Variants in REDIC1 observed in about 807,000 individuals in gnomAD.
REDIC1 encodes HEI10 Interacting Protein 1.
chr12:39,887,542 T>C, the REDIC1 span, among the ~76,000 whole-genome samples: 15 of 152,228 alleles, frequency 9.9e-5, no homozygotes, highest in Admixed American at 9.2e-4. Flanking sequence ...TCACTCCTTG[T>C]GTGTATCACG....
chr12:39,755,957 A>C, the REDIC1 span: 5 of 152,050 alleles, frequency 3.3e-5, no homozygotes, highest in Non-Finnish European at 4.4e-5. Context: ...GACAAGATAC[A>C]AGAAAGAGTT....
the REDIC1 span, among the ~76,000 whole-genome samples, chr12:39,747,443 T>G: frequency 1.3e-4 from 20 of 152,152 alleles, no homozygotes; most frequent in African/African-American, 4.6e-4. Flanking sequence ...ACCAAAGCTA[T>G]GTCTGATTGG....
the REDIC1 span, among the ~76,000 whole-genome samples, chr12:39,848,004 G>A: frequency 1.3e-5 from 2 of 152,208 alleles, no homozygotes; most frequent in East Asian, 1.9e-4. Context: ...AGTACCTGGT[G>A]CATGGTTAGC....
At chr12:39,867,109 C>G in the REDIC1 span, among the ~76,000 whole-genome samples, 1 of 152,168 alleles carries the variant, frequency 6.6e-6, no homozygotes, top group Non-Finnish European at 1.5e-5. Context: ...TACCTCTCTC[C>G]TAAAACAAAA....
chr12:39,721,067 G>T, the REDIC1 span: 1 of 1,613,814 alleles, frequency 6.2e-7, no homozygotes, highest in South Asian at 1.1e-5. Flanking sequence ...GCTGCAAGGT[G>T]TGATGCAGGG....
At chr12:39,681,484 G>T in the REDIC1 span, among the ~76,000 whole-genome samples, 1 of 152,126 alleles carries the variant, frequency 6.6e-6, no homozygotes, top group Non-Finnish European at 1.5e-5. Context: ...AATAAAAAAA[G>T]ATTTACATTT....
At chr12:39,686,604 T>A in the REDIC1 span, among the ~76,000 whole-genome samples, 1 of 152,184 alleles carries the variant, frequency 6.6e-6, no homozygotes, top group East Asian at 1.9e-4. Flanking sequence ...CATGAAGTTC[T>A]GTGAAATGCC....
the REDIC1 span, among the ~76,000 whole-genome samples, chr12:39,761,588 G>C: frequency 2.7e-5 from 4 of 150,478 alleles, no homozygotes. Flanking sequence ...TACAAAAAGG[G>C]TGATACTGAT....
At chr12:39,824,779 G>C in the REDIC1 span, among the ~76,000 whole-genome samples, 33 of 152,132 alleles carry the variant, frequency 2.2e-4, no homozygotes, top group African/African-American at 8.0e-4. Flanking sequence ...GCAGGAGATA[G>C]AATAAGCATT....
chr12:39,891,910 T>TA, the REDIC1 span, among the ~76,000 whole-genome samples: 4 of 152,172 alleles, frequency 2.6e-5, no homozygotes, highest in African/African-American at 7.2e-5. Flanking sequence ...ATGGTTTTTC[T>TA]AAAAAAATTA....
the REDIC1 span, among the ~76,000 whole-genome samples, chr12:39,700,670 T>G: frequency 2.0e-5 from 3 of 151,956 alleles, no homozygotes. Flanking sequence ...GAAAAAATGT[T>G]AAGGGCAGCC....
chr12:39,734,364 C>G, the REDIC1 span, among the ~76,000 whole-genome samples: 12 of 152,030 alleles, frequency 7.9e-5, no homozygotes, highest in African/African-American at 2.9e-4. Context: ...GCCATCTTGC[C>G]CAGGAATCAT....
the REDIC1 span, among the ~76,000 whole-genome samples, chr12:39,761,280 T>C: frequency 6.6e-6 from 1 of 151,942 alleles, no homozygotes. Context: ...CCTACTTAAG[T>C]GTTGGCAGTT....
At chr12:39,833,794 T>C in the REDIC1 span, among the ~76,000 whole-genome samples, 2 of 151,858 alleles carry the variant, frequency 1.3e-5, no homozygotes, top group Non-Finnish European at 2.9e-5. Context: ...GAAGATGGCC[T>C]TGTCTTTGTT....
chr12:39,823,312 T>C, the REDIC1 span, among the ~76,000 whole-genome samples: 2 of 152,232 alleles, frequency 1.3e-5, no homozygotes, highest in Admixed American at 6.5e-5. Flanking sequence ...GAGGTTTTTC[T>C]ATCCCTTATG....
At chr12:39,863,569 C>A in the REDIC1 span, among the ~76,000 whole-genome samples, 1 of 151,992 alleles carries the variant, frequency 6.6e-6, no homozygotes, top group East Asian at 1.9e-4. Flanking sequence ...AAATATCCAT[C>A]AAGAAAAAGA....
the REDIC1 span, among the ~76,000 whole-genome samples, chr12:39,705,128 G>A: frequency 6.6e-6 from 1 of 151,460 alleles, no homozygotes; most frequent in Non-Finnish European, 1.5e-5. Context: ...AGATGAAAAA[G>A]GAACATAATA....
the REDIC1 span, among the ~76,000 whole-genome samples, chr12:39,863,404 T>C: frequency 4.6e-5 from 7 of 152,192 alleles, no homozygotes; most frequent in African/African-American, 1.2e-4. Context: ...TTTCTAATAA[T>C]TTTTAGGTGA....
At chr12:39,893,531 C>T in the REDIC1 span, among the ~76,000 whole-genome samples, 1 of 152,200 alleles carries the variant, frequency 6.6e-6, no homozygotes, top group Non-Finnish European at 1.5e-5. Flanking sequence ...AACTCCTGAC[C>T]TCAGGTGATC....
Sources: allele counts gnomAD v4.1 joint callset (sites outside exome capture counted in the v4.1 genomes callset), GRCh38; gene constraint gnomAD v4.1.1; transcripts MANE v1.5; gene names NCBI Gene and HGNC (gene_info 2026-07-23, HGNC 2026-07-21).